The following PLG variants were observed in gnomAD, a reference collection of about 807,000 sequenced individuals.
PLG encodes plasmin.
PLG carries 41 observed loss-of-function variants against 104.4 expected under a neutral mutation model. That is an observed-to-expected ratio of 0.39 (90% CI 0.31 to 0.51). The LOEUF (loss-of-function observed/expected upper bound fraction) is 0.51, where lower values mean the gene tolerates loss of function less well. Ranked by LOEUF, PLG falls within the 20% of genes least tolerant of loss-of-function variation. PLG has a pLI of 0.76. For missense variants in PLG, 891 were observed against 1,003.6 expected, an observed-to-expected ratio of 0.89 and a Z score of 1.52; for synonymous variants, 337 against 357.1, an observed-to-expected ratio of 0.94 and a Z score of 0.63.
chr6:160,718,257 T>C (rs1777774494), intron 7 of PLG, 37 bp from the exon 8 acceptor site: 1 of 1,579,090 alleles, frequency 6.3e-7, no homozygotes, highest in Non-Finnish European at 8.7e-7. Context: ...TCTCAAAAAA[T>C]ATATATATTC....
intron 17 of PLG, among the ~76,000 whole-genome samples, chr6:160,749,273 C>A (rs920453664): frequency 6.6e-6 from 1 of 152,092 alleles, no homozygotes; most frequent in Non-Finnish European, 1.5e-5. Flanking sequence ...ATCATCATCA[C>A]CATCCACATT....
In PLG at chr6:160,744,959, C is replaced by T. The variant is rs553829570; in HGVS notation, c.2125+3542C>T. On this transcript the variant is annotated intron_variant, in intron 17 of 18. Coordinates refer to ENST00000308192, the MANE Select transcript of PLG (RefSeq NM_000301.5). This position sits in a 1 kb window ranked among gnomAD's most constrained non-coding sequence, Gnocchi z 4.5. ...GTTGTTTGATTTCCATGTAATTGTA[C>T]GGTTTTGAGTTATTTTCTTAGTCTT... 1.8e-4 allele frequency among the ~76,000 whole-genome samples: 28 copies of T among 152,190 alleles called. No individual in the cohort carries two copies. Among genetic ancestry groups the T allele is most frequent in the Non-Finnish European group, 2.5e-4 (17 of 67,994 alleles).
At chr6:160,745,314 T>C (rs1778260427) in intron 17 of PLG, among the ~76,000 whole-genome samples, 1 of 152,156 alleles carries the variant, frequency 6.6e-6, no homozygotes, top group Non-Finnish European at 1.5e-5. Context: ...CTAAGAACTT[T>C]ATGAAGCTGG....
Position 160,731,123 on chromosome 6 carries a change from C to A in PLG, c.1329C>A (p.Ser443Arg), listed in dbSNP as rs756670030. 2.5e-6 allele frequency: 4 copies of A among 1,613,750 alleles called. No individual in the cohort carries two copies. The highest frequency in any genetic ancestry group is 2.2e-5 in the East Asian group (1 of 44,880). ...CCTGGTGTTTTACCACAGACCCCAG[C>A]GTCAGGTGGGAGTACTGCAACCTGA... ...KGPWCFTTDP[S>R]VRWEYCNLKK... is the part of the protein sequence containing the mutation. The change falls in exon 11 of 19, where the codon AGC (serine) becomes AGA (arginine). Residue 443 changes from serine to arginine, a missense_variant. Coordinates refer to ENST00000308192, the MANE Select transcript of PLG (RefSeq NM_000301.5). The surrounding 1 kb of genome is among the most constrained non-coding windows in gnomAD (Gnocchi z 5.1).
chr6:160,706,525 C>G lies in PLG; in HGVS notation c.168C>G (p.Asp56Glu). ...AATGTGCAGCAAAATGTGAGGAGGACGAAGAATTCACCTGCAGGTATTTCC... is the reference window on the plus strand; with the variant it reads ...AATGTGCAGCAAAATGTGAGGAGGAGGAAGAATTCACCTGCAGGTATTTCC... Reference protein sequence around the residue: ...IEECAAKCEEDEEFTCRAFQY... With the variant: ...IEECAAKCEEEEEFTCRAFQY... Residue 56 changes from aspartate to glutamate, a missense_variant, in exon 2 of 19, where the codon GAC becomes GAG. Asp to Glu is a conservative substitution (Grantham distance 45). Around this residue, in one of 2 missense-constraint regions of PLG, gnomAD observed 854 missense variants for 932.1 expected, o/e 0.92. Coordinates refer to ENST00000308192, the MANE Select transcript of PLG (RefSeq NM_000301.5). 6.2e-7 allele frequency: 1 copy of G among 1,613,686 alleles called. No individual in the cohort carries two copies. The highest frequency in any genetic ancestry group is 8.5e-7 in the Non-Finnish European group (1 of 1,179,722).
In PLG at chr6:160,723,538, A is replaced by C. The variant is rs562596855; in HGVS notation, c.1256+971A>C. On this transcript the variant is annotated intron_variant, in intron 10 of 18. Coordinates refer to ENST00000308192, the MANE Select transcript of PLG (RefSeq NM_000301.5). This position sits in a 1 kb window ranked among gnomAD's most constrained non-coding sequence, Gnocchi z 4.7. Reference sequence around the variant, plus strand: ...CGACCACAGCAGTCTTGCTGAACTGAGGAAGGAGACTGGAGTTGGGATTAC... The same window carrying C: ...CGACCACAGCAGTCTTGCTGAACTGCGGAAGGAGACTGGAGTTGGGATTAC... 2.2e-4 allele frequency among the ~76,000 whole-genome samples: 33 copies of C among 152,272 alleles called. No individual in the cohort carries two copies. Among genetic ancestry groups the C allele is most frequent in the African/African-American group, 7.2e-4 (30 of 41,558 alleles).
intron 1 of PLG, among the ~76,000 whole-genome samples, chr6:160,703,323 G>T (rs1777456168): frequency 6.6e-6 from 1 of 150,720 alleles, no homozygotes; most frequent in South Asian, 2.1e-4. Context: ...CACCCATTTA[G>T]GCATACAATC....
chr6:160,727,733 C>G (rs1220699955), intron 10 of PLG, among the ~76,000 whole-genome samples: 1 of 151,872 alleles, frequency 6.6e-6, no homozygotes. Context: ...TAACACTTAT[C>G]CATGATAAAA....
intron 17 of PLG, among the ~76,000 whole-genome samples, chr6:160,749,709 A>G (rs1337026344): frequency 6.6e-6 from 1 of 151,270 alleles, no homozygotes; most frequent in African/African-American, 2.4e-5. Context: ...GATAGTAATT[A>G]TGATTACCAC....
In PLG at chr6:160,722,257, T is replaced by C. The variant is rs1360210645; in HGVS notation, c.1097-151T>C. On this transcript the variant is annotated intron_variant, in intron 9 of 18. Coordinates refer to ENST00000308192, the MANE Select transcript of PLG (RefSeq NM_000301.5). ...AACTTATTAATGTTCTAAAATGCTA[T>C]AAATCTATTTTTATGTTAATCTGTC... is the stretch of plus-strand genomic sequence containing the variant. 4 of 612,802 alleles carry C rather than the reference T, an allele frequency of 6.5e-6. No individual in the cohort carries two copies. The African/African-American group carries it at 7.4e-5, about 11-fold the overall frequency. The allele number at this position is 612,802 out of a possible 1,614,324, so 38.0% of individuals were successfully genotyped here. A position where few individuals can be genotyped will look rare whatever the true frequency, so the allele number is the denominator to read the frequency against.
chr6:160,710,806 C>T (rs567593814), intron 3 of PLG, among the ~76,000 whole-genome samples: 32 of 152,298 alleles, frequency 2.1e-4, no homozygotes, highest in South Asian at 6.2e-4. Context: ...AGCTCCATGA[C>T]GGCCAAGCCT....
At chr6:160,711,034 T>A in intron 3 of PLG, 43 bp from the exon 4 acceptor site, 1 of 1,602,570 alleles carries the variant, frequency 6.2e-7, no homozygotes, top group Non-Finnish European at 8.5e-7. Flanking sequence ...CTTCATGTGG[T>A]GTCTTGTGAA....
chr6:160,741,350 G>A lies in PLG; in HGVS notation c.2058G>A (p.Leu686=), dbSNP rs771132412. 24 of 1,612,794 alleles carry A rather than the reference G, an allele frequency of 1.5e-5. No individual in the cohort carries two copies. Among genetic ancestry groups the A allele is most frequent in the Non-Finnish European group, 2.0e-5 (24 of 1,178,852 alleles). The part of the protein sequence containing the change: ...VITDKVIPAC[L]PSPNYVVADR... Reference sequence around the variant, plus strand: ...CTGACAAAGTAATCCCAGCTTGTCTGCCATCCCCAAATTATGTGGTCGCTG... The same window carrying A: ...CTGACAAAGTAATCCCAGCTTGTCTACCATCCCCAAATTATGTGGTCGCTG... Residue 686 remains leucine (L), a synonymous_variant, in exon 17 of 19, where the codon CTG becomes CTA. Transcript: ENST00000308192. The surrounding 1 kb of genome is among the most constrained non-coding windows in gnomAD (Gnocchi z 4.7).
At chr6:160,705,252 G>T (rs537911468) in intron 1 of PLG, 2 of 152,318 alleles carry the variant, frequency 1.3e-5, no homozygotes, top group African/African-American at 4.8e-5. Context: ...AGCTACCAAA[G>T]CTCAGCCAGA....
At position 160,737,040 on chromosome 6, in the gene PLG, C is replaced by T; in HGVS notation, c.1802+33C>T. ...CAGGCCCAGAAACGATTTATACTGT[C>T]CCTCCACGTAAGCCCTGCAAAACCC... On this transcript the variant is annotated intron_variant, in intron 14 of 18. Transcript: ENST00000308192. This position sits in a 1 kb window ranked among gnomAD's most constrained non-coding sequence, Gnocchi z 4.7. 3.7e-6 allele frequency: 6 copies of T among 1,610,816 alleles called. No homozygotes were observed. Among genetic ancestry groups the T allele is most frequent in the Non-Finnish European group, 5.1e-6 (6 of 1,179,072 alleles).
intron 3 of PLG, 86 bp from the exon 4 acceptor site, chr6:160,710,991 A>T: frequency 4.0e-6 from 5 of 1,255,434 alleles, no homozygotes; most frequent in Non-Finnish European, 4.7e-6. Flanking sequence ...GGTGCATGAG[A>T]TCTTTTTCTC....
intron 17 of PLG, among the ~76,000 whole-genome samples, chr6:160,749,336 T>C (rs1778355667): frequency 2.0e-5 from 3 of 149,642 alleles, no homozygotes; most frequent in Non-Finnish European, 3.0e-5. Context: ...ACCACCACCA[T>C]CACAATTATC....
Position 160,752,300 on chromosome 6 carries a change from T to C in PLG, c.2271+40T>C, listed in dbSNP as rs1582955433. 1 of 1,597,322 alleles carries C rather than the reference T, an allele frequency of 6.3e-7. No homozygotes were observed. Among genetic ancestry groups the C allele is most frequent in the Non-Finnish European group, 8.6e-7 (1 of 1,164,878 alleles). On this transcript the variant is annotated intron_variant, in intron 18 of 18. Transcript: ENST00000308192. The surrounding 1 kb of genome is among the most constrained non-coding windows in gnomAD (Gnocchi z 4.7). ...AGAGACCAAAGTTAGTCTTGTGCTC[T>C]CTTGTCTCAGTCTCAGCCCCTCAGA...
intron 10 of PLG, among the ~76,000 whole-genome samples, chr6:160,730,492 T>G (rs890987336): frequency 2.0e-5 from 3 of 152,256 alleles, no homozygotes; most frequent in Non-Finnish European, 4.4e-5. Flanking sequence ...TTTTCGTGGT[T>G]GTTTTTCATA....
Sources: allele counts gnomAD v4.1 joint callset (sites outside exome capture counted in the v4.1 genomes callset), GRCh38; gene constraint gnomAD v4.1.1; regional missense constraint gnomAD v4.1.1; non-coding constraint Gnocchi (gnomAD v3.1); transcripts MANE v1.5; gene names NCBI Gene and HGNC (gene_info 2026-07-23, HGNC 2026-07-21).